SGIP1: variants seen among roughly 807,000 people sequenced by gnomAD.
SGIP1 encodes SH3-containing GRB2-like protein 3-interacting protein 1.
Under a neutral mutation model 107.5 loss-of-function variants are expected in SGIP1, and 38 were observed. The observed-to-expected ratio is 0.35, with a 90% CI of 0.27 to 0.46. The LOEUF (loss-of-function observed/expected upper bound fraction) is 0.46. Ranked by LOEUF, SGIP1 falls within the 20% of genes least tolerant of loss-of-function variation. The pLI, the probability that SGIP1 is intolerant of heterozygous loss-of-function variation, is 1.00. For missense variants in SGIP1, 929 were observed against 1,019.5 expected (o/e 0.91, Z 1.21); for synonymous variants, 365 against 366.1 (o/e 1.00, Z 0.03).
intron 18 of SGIP1, among the ~76,000 whole-genome samples, chr1:66,706,493 A>T (rs1382793808): frequency 6.7e-6 from 1 of 148,314 alleles, no homozygotes; most frequent in African/African-American, 2.4e-5. Context: ...TATTTATGAC[A>T]GTTGATATTT....
chr1:66,575,392 C>T (rs867406812), intron 1 of SGIP1, among the ~76,000 whole-genome samples: 4 of 152,108 alleles, frequency 2.6e-5, no homozygotes, highest in African/African-American at 9.7e-5. Flanking sequence ...TGTTTAGATC[C>T]AACTTGGATC....
intron 16 of SGIP1, among the ~76,000 whole-genome samples, chr1:66,689,745 C>T (rs1195343168): frequency 6.6e-6 from 1 of 152,212 alleles, no homozygotes; most frequent in Non-Finnish European, 1.5e-5. Flanking sequence ...GAGTGGAAAA[C>T]ATTCTGTGTG....
chr1:66,709,787 G>T (rs977918279), intron 18 of SGIP1, among the ~76,000 whole-genome samples: 1 of 152,084 alleles, frequency 6.6e-6, no homozygotes, highest in African/African-American at 2.4e-5. Context: ...AAAGTGTGAG[G>T]ATTTAATAAG....
chr1:66,630,842 A>G (rs1039945659), intron 2 of SGIP1, among the ~76,000 whole-genome samples: 1 of 17,212 alleles, frequency 5.8e-5, no homozygotes, highest in African/African-American at 3.9e-4. Flanking sequence ...AAAGAAAGAA[A>G]GAAAGAAAGA....
At chr1:66,688,098 G>A (rs540993880) in intron 15 of SGIP1, among the ~76,000 whole-genome samples, 1 of 152,212 alleles carries the variant, frequency 6.6e-6, no homozygotes, top group South Asian at 2.1e-4. Context: ...TGTTGTTTGG[G>A]AGGTGGTAAG....
At chr1:66,539,682 A>G (rs1297676706) in intron 1 of SGIP1, among the ~76,000 whole-genome samples, 1 of 152,202 alleles carries the variant, frequency 6.6e-6, no homozygotes, top group East Asian at 1.9e-4. Context: ...TAGAATAAAC[A>G]CTTTCATGCC....
At chr1:66,552,791 T>G (rs1453699132) in intron 1 of SGIP1, among the ~76,000 whole-genome samples, 1 of 152,194 alleles carries the variant, frequency 6.6e-6, no homozygotes, top group African/African-American at 2.4e-5. Context: ...TTCTTTTTTT[T>G]GTTTACATTT....
intron 8 of SGIP1, among the ~76,000 whole-genome samples, chr1:66,663,733 C>A: frequency 6.6e-6 from 1 of 151,804 alleles, no homozygotes; most frequent in East Asian, 1.9e-4. Context: ...ATGGAGTTTC[C>A]AAAATGCTAT....
At chr1:66,566,352 A>T (rs2059637345) in intron 1 of SGIP1, among the ~76,000 whole-genome samples, 1 of 152,040 alleles carries the variant, frequency 6.6e-6, no homozygotes, top group South Asian at 2.1e-4. Flanking sequence ...TTCAGAGACT[A>T]ATAACAACTA....
intron 1 of SGIP1, among the ~76,000 whole-genome samples, chr1:66,566,914 A>G (rs2148533670): frequency 6.6e-6 from 1 of 151,772 alleles, no homozygotes; most frequent in Non-Finnish European, 1.5e-5. Context: ...CCCTGTGTCC[A>G]TGTGTTCTCA....
intron 1 of SGIP1, among the ~76,000 whole-genome samples, chr1:66,576,079 T>C (rs1557942088): frequency 6.6e-6 from 1 of 152,034 alleles, no homozygotes; most frequent in African/African-American, 2.4e-5. Flanking sequence ...GGTCAGAAAA[T>C]AAGAATTCAC....
rs143518805 is a variant in SGIP1 at position 66,682,157 on chromosome 1, G to C, written c.1103G>C (p.Arg368Pro). The change falls in exon 15 of 25, where the codon CGC becomes CCC. Residue 368 changes from arginine to proline, a missense_variant. Around this residue, in one of 2 missense-constraint regions of SGIP1, gnomAD observed 588 missense variants for 588.6 expected, o/e 1.00. Coordinates refer to ENST00000371037, the MANE Select transcript of SGIP1 (RefSeq NM_032291.4). ...TGPPGPPGPPRNVLSPLNLEE... is the reference protein window; with the variant it reads ...TGPPGPPGPPPNVLSPLNLEE... ...CCCCCAGGGCCTCCTGGGCCTCCTCGCAATGTACTATCGCCGCTCAATTTA... is the reference window on the plus strand; with the variant it reads ...CCCCCAGGGCCTCCTGGGCCTCCTCCCAATGTACTATCGCCGCTCAATTTA... 5 of 1,614,180 alleles carry C rather than the reference G, an allele frequency of 3.1e-6. No individual in the cohort carries two copies. In the South Asian group the frequency reaches 3.3e-5, roughly 11 times the overall value.
At chr1:66,719,640 T>C (rs1572219618) in intron 19 of SGIP1, among the ~76,000 whole-genome samples, 1 of 152,210 alleles carries the variant, frequency 6.6e-6, no homozygotes, top group African/African-American at 2.4e-5. Flanking sequence ...ATTTTGGTTC[T>C]AGAGAACTTA....
chr1:66,734,969 C>T (rs1383780565), intron 21 of SGIP1, among the ~76,000 whole-genome samples: 1 of 152,018 alleles, frequency 6.6e-6, no homozygotes, highest in Non-Finnish European at 1.5e-5. Context: ...GAACACTTTC[C>T]ATTCACTTTA....
intron 1 of SGIP1, among the ~76,000 whole-genome samples, chr1:66,579,254 T>C (rs2061492361): frequency 6.6e-6 from 1 of 152,210 alleles, no homozygotes; most frequent in Non-Finnish European, 1.5e-5. Flanking sequence ...TTCCCGAAGC[T>C]ACATGTACTC....
chr1:66,733,721 C>G, intron 20 of SGIP1, 27 bp from the exon 21 acceptor site: 1 of 1,604,204 alleles, frequency 6.2e-7, no homozygotes, highest in Non-Finnish European at 8.5e-7. Flanking sequence ...AGATGCTACT[C>G]AATCATTTTT....
chr1:66,716,401 A>G (rs966870786), intron 18 of SGIP1, among the ~76,000 whole-genome samples: 4 of 152,182 alleles, frequency 2.6e-5, no homozygotes, highest in Admixed American at 6.6e-5. Flanking sequence ...AAATATTATG[A>G]TGATGACATT....
intron 1 of SGIP1, among the ~76,000 whole-genome samples, chr1:66,623,867 AT>A (rs892890537): frequency 6.6e-6 from 1 of 152,120 alleles, no homozygotes. Context: ...GATTCAGTGC[AT>A]TTTTTTCACT....
chr1:66,592,811 C>T lies in SGIP1; in HGVS notation c.11-33036C>T, dbSNP rs1029900318. Among the ~76,000 whole-genome samples, 5 of 151,178 alleles carry T rather than the reference C, an allele frequency of 3.3e-5. No homozygotes were observed. The East Asian group carries it at 9.7e-4, about 29-fold the overall frequency. On this transcript the variant is annotated intron_variant, in intron 1 of 24. Transcript: ENST00000371037. ...TTTCTTCATAGTTTTACTTTTTCTA[C>T]GATTTCATATAGTTGGAATCATACA...
Sources: allele counts gnomAD v4.1 joint callset (sites outside exome capture counted in the v4.1 genomes callset), GRCh38; gene constraint gnomAD v4.1.1; regional missense constraint gnomAD v4.1.1; transcripts MANE v1.5; gene names NCBI Gene and HGNC (gene_info 2026-07-23, HGNC 2026-07-21).